CASP10: variants seen among roughly 807,000 people sequenced by gnomAD.
CASP10 encodes the protein caspase 10.
In CASP10, 41 loss-of-function variants were observed where a neutral mutation model predicts 48.5. The observed-to-expected ratio is 0.85, with a 90% CI of 0.66 to 1.10. The LOEUF (loss-of-function observed/expected upper bound fraction) is 1.10, where lower values mean the gene tolerates loss of function less well. Ranked by LOEUF, CASP10 falls within the 50% of genes least tolerant of loss-of-function variation. The pLI, the probability that CASP10 is intolerant of heterozygous loss-of-function variation, is 0.00. For synonymous variants in CASP10, 232 were observed against 238.4 expected, an observed-to-expected ratio of 0.97 and a Z score of 0.25; for missense variants, 614 against 614.5, an observed-to-expected ratio of 1.00 and a Z score of 0.01.
At chr2:201,198,012 C>T (rs749257417) in intron 5 of CASP10, among the ~76,000 whole-genome samples, 10 of 152,118 alleles carry the variant, frequency 6.6e-5, no homozygotes, top group Non-Finnish European at 8.8e-5. Flanking sequence ...CTCACCAAGA[C>T]GTATTATTCT....
At chr2:201,185,167 T>G (rs984123093) in intron 1 of CASP10, among the ~76,000 whole-genome samples, 1 of 152,092 alleles carries the variant, frequency 6.6e-6, no homozygotes, top group Non-Finnish European at 1.5e-5. Context: ...TAATTTTTTG[T>G]ATTTTTAGTA....
At chr2:201,229,023 C>G in exon 10 of CASP10, 5 of 1,614,154 alleles carry the variant, frequency 3.1e-6, no homozygotes, top group Non-Finnish European at 4.2e-6. Context: ...CCTCCCTGCC[C>G]ACGGCCATCT....
Position 201,187,693 on chromosome 2 carries a change from G to T in CASP10, c.348-13G>T, listed in dbSNP as rs771697338. On this transcript the variant is annotated splice_polypyrimidine_tract_variant and intron_variant, in intron 2 of 9. Coordinates refer to ENST00000286186, the MANE Select transcript of CASP10 (RefSeq NM_032977.4). The stretch of plus-strand genomic sequence containing the variant: ...TGTAAGGCTTTATTTGTCATTTTGG[G>T]TGTGTGTCTTAGAAACCTGCTCTAC... 2 of 1,598,632 alleles carry T rather than the reference G, an allele frequency of 1.3e-6. No homozygotes were observed. The highest frequency in any genetic ancestry group is 1.7e-6 in the Non-Finnish European group (2 of 1,166,102).
chr2:201,225,131 A>C (rs571776039), downstream of CASP10, among the ~76,000 whole-genome samples: 1 of 152,224 alleles, frequency 6.6e-6, no homozygotes, highest in East Asian at 1.9e-4. Flanking sequence ...CCCTTCAAGG[A>C]TCTTCAGTGC....
intron 4 of CASP10, among the ~76,000 whole-genome samples, chr2:201,194,573 T>C (rs1171112796): frequency 1.3e-5 from 2 of 152,218 alleles, no homozygotes; most frequent in Non-Finnish European, 2.9e-5. Context: ...AAGGTTGATA[T>C]GGAAAGAATA....
chr2:201,226,815 A>G (rs969873218), intron 9 of CASP10, among the ~76,000 whole-genome samples: 3 of 152,242 alleles, frequency 2.0e-5, no homozygotes, highest in Admixed American at 6.5e-5. Flanking sequence ...AATTAGAATT[A>G]TTAGGCTGAA....
intron 9 of CASP10, among the ~76,000 whole-genome samples, chr2:201,211,365 A>G (rs1424123145): frequency 1.3e-5 from 2 of 152,176 alleles, no homozygotes; most frequent in African/African-American, 4.8e-5. Flanking sequence ...CTTTGTACCC[A>G]TTGACTAACC....
rs762072082 is a variant in CASP10, at chr2:201,208,069, T to C, written c.814-6T>C. The stretch of plus-strand genomic sequence containing the variant: ...TCCTACTAAGTGGCTCTATCTATTC[T>C]TCAAGAGGGCAGCTGTGTACAGGAT... On this transcript the variant is annotated splice_polypyrimidine_tract_variant and splice_region_variant and intron_variant, in intron 7 of 9. Coordinates refer to ENST00000286186, the MANE Select transcript of CASP10 (RefSeq NM_032977.4). 8 of 1,609,840 alleles carry C rather than the reference T, an allele frequency of 5.0e-6. No individual in the cohort carries two copies. Among genetic ancestry groups the C allele is most frequent in the Non-Finnish European group, 8.5e-7 (1 of 1,176,180 alleles).
chr2:201,209,539 T>C lies in CASP10; in HGVS notation c.1392T>C (p.Asn464=). 1.2e-6 allele frequency: 2 copies of C among 1,610,232 alleles called. No homozygotes were observed. Among genetic ancestry groups the C allele is most frequent in the South Asian group, 2.2e-5 (2 of 90,116 alleles). ...GCTGGTATATTCAGTCTCTGTGTAA[T>C]CATCTGAAGAAATTGGTCCCAAGGT... ...EGSWYIQSLC[N]HLKKLVPRHE... is the part of the protein sequence containing the mutation. Residue 464 remains asparagine, a synonymous_variant, in exon 9 of 10, where the codon AAT becomes AAC. Coordinates refer to ENST00000286186, the MANE Select transcript of CASP10 (RefSeq NM_032977.4).
intron 6 of CASP10, among the ~76,000 whole-genome samples, chr2:201,204,136 C>T (rs1945123773): frequency 6.6e-6 from 1 of 152,152 alleles, no homozygotes; most frequent in Non-Finnish European, 1.5e-5. Flanking sequence ...GGGTGCGTGT[C>T]CTCTATGGAG....
At chr2:201,214,485 T>C (rs1945506037) in intron 9 of CASP10, 1 of 152,076 alleles carries the variant, frequency 6.6e-6, no homozygotes, top group South Asian at 2.1e-4. Flanking sequence ...TGTTAGCGGA[T>C]CAGAGGAGAA....
intron 9 of CASP10, among the ~76,000 whole-genome samples, chr2:201,216,473 A>G (rs1224471171): frequency 6.6e-6 from 1 of 152,164 alleles, no homozygotes; most frequent in Admixed American, 6.5e-5. Flanking sequence ...AGACTAAATG[A>G]TAAGAAGGAA....
At chr2:201,185,593 A>G (rs1378901409) in intron 1 of CASP10, among the ~76,000 whole-genome samples, 178 bp from the exon 2 acceptor site, 1 of 152,148 alleles carries the variant, frequency 6.6e-6, no homozygotes, top group Non-Finnish European at 1.5e-5. Context: ...TGTTGGGGAA[A>G]AGTTTTCTGG....
At chr2:201,206,595 A>AGT (rs1265923244) in intron 7 of CASP10, among the ~76,000 whole-genome samples, 2 of 146,010 alleles carry the variant, frequency 1.4e-5, no homozygotes, top group Non-Finnish European at 3.0e-5. Flanking sequence ...TTATATATTA[A>AGT]GTGTATATAT....
At chr2:201,202,430 CT>C (rs1236736950) in intron 5 of CASP10, among the ~76,000 whole-genome samples, 11 of 152,154 alleles carry the variant, frequency 7.2e-5, no homozygotes, top group Admixed American at 5.2e-4. Flanking sequence ...TTTCTAGTCC[CT>C]GTTCTGGCTG....
chr2:201,183,719 G>A (rs1475361486), intron 1 of CASP10, among the ~76,000 whole-genome samples: 2 of 152,172 alleles, frequency 1.3e-5, no homozygotes, highest in African/African-American at 4.8e-5. Context: ...CAAAAGTAAT[G>A]TGTATGCTCA....
rs41349651 is a variant in CASP10 at position 201,193,243 on chromosome 2, T to C, written c.577+124T>C. On this transcript the variant is annotated intron_variant, in intron 4 of 9. Transcript: ENST00000286186. Reference sequence around the variant, plus strand: ...TTTTGAGGCAGAGTCTCACTCACTCTGTCACCCAGGCTGGAGTGCAGTGGT... The same window carrying C: ...TTTTGAGGCAGAGTCTCACTCACTCCGTCACCCAGGCTGGAGTGCAGTGGT... 1.1e-3 allele frequency: 1,120 copies of C among 997,758 alleles called. 13 individuals carry two copies. In the African/African-American group the frequency reaches 0.016, roughly 15 times the overall value. 61.8% of individuals were successfully genotyped at this position (997,758 alleles called of 1,614,324 possible). A position where few individuals can be genotyped will look rare whatever the true frequency, so the allele number is the denominator to read the frequency against.
At chr2:201,223,722 C>T (rs192060216), downstream of CASP10, among the ~76,000 whole-genome samples, 101 of 152,312 alleles carry the variant, frequency 6.6e-4, 1 homozygote, top group Non-Finnish European at 1.1e-3. Flanking sequence ...GCAGTTTGCT[C>T]TTAAGGATGT....
intron 9 of CASP10, 24 bp from the exon 10 acceptor site, chr2:201,217,564 A>AT (rs1194811478): frequency 1.9e-6 from 3 of 1,585,722 alleles, no homozygotes; most frequent in African/African-American, 1.3e-5. Flanking sequence ...GTAAAAAAAA[A>AT]TTTTGTTTTC....
Sources: gnomAD v4.1 joint callset for allele counts (sites outside exome capture counted in the v4.1 genomes callset) on GRCh38, gnomAD v4.1.1 for gene constraint, MANE v1.5 for transcripts, NCBI Gene and HGNC (gene_info 2026-07-23, HGNC 2026-07-21) for gene names.